Variants in FAM161A observed in about 807,000 individuals in gnomAD.
FAM161A encodes the protein protein FAM161A.
FAM161A carries 57 observed loss-of-function variants against 70.9 expected under a neutral mutation model. That is an observed-to-expected ratio of 0.80 (90% CI 0.65 to 1.00). The LOEUF is 1.00. Among genes scored for constraint, FAM161A ranks in the 50% least tolerant of loss-of-function variants. The pLI is 0.00. For synonymous variants in FAM161A, 299 were observed against 295.7 expected, an observed-to-expected ratio of 1.01 and a Z score of -0.12; for missense variants, 880 against 836.0, an observed-to-expected ratio of 1.05 and a Z score of -0.65.
the FAM161A span, among the ~76,000 whole-genome samples, chr2:61,818,262 G>C: frequency 6.6e-6 from 1 of 152,050 alleles, no homozygotes; most frequent in East Asian, 1.9e-4. Flanking sequence ...CACCTTGTTG[G>C]CCAGGCTGGT....
In FAM161A at chr2:61,824,949, A is replaced by C. The variant is rs1672294341; in HGVS notation, c.*1506T>G. ...CAAAGATGAATTTTTAAATGGTGCC[A>C]AATCCCAAGGAGTTTACAATATAAT... On this transcript the variant is annotated 3_prime_UTR_variant, in exon 7 of 7. Coordinates refer to ENST00000404929, the MANE Select transcript of FAM161A (RefSeq NM_001201543.2). 2.2e-6 allele frequency: 1 copy of C among 453,100 alleles called. No individual in the cohort carries two copies. The highest frequency in any genetic ancestry group is 1.6e-5 in the South Asian group (1 of 63,860). The allele number at this position is 453,100 out of a possible 1,614,324, so 28.1% of individuals were successfully genotyped here. A position where few individuals can be genotyped will look rare whatever the true frequency, so the allele number is the denominator to read the frequency against.
intron 1 of FAM161A, chr2:61,846,783 C>T (rs58256183): frequency 0.6 from 210,103 of 352,754 alleles, 64,086 homozygotes; most frequent in Middle Eastern, 0.79. Context: ...CCTCTGACTG[C>T]TTCCTGTCGG....
In FAM161A at chr2:61,826,580, T is replaced by C; in HGVS notation, c.2026A>G (p.Ile676Val). Residue 676 changes from isoleucine to valine, a missense_variant, in exon 7 of 7, where the codon ATA (isoleucine) becomes GTA (valine). By Grantham distance (29) the Ile-to-Val change is conservative. Coordinates refer to ENST00000404929, the MANE Select transcript of FAM161A (RefSeq NM_001201543.2). ...TCTTCCCCATTCTCTCTTTCTTCTATTTTTTCTTCTTCATTAAAGCTAGGG... is the reference window on the plus strand; with the variant it reads ...TCTTCCCCATTCTCTCTTTCTTCTACTTTTTCTTCTTCATTAAAGCTAGGG... The part of the protein sequence containing the change: ...DKESFNEEEK[I>V]EERENGEENY... 1 of 1,601,150 alleles carries C rather than the reference T, an allele frequency of 6.2e-7. No individual in the cohort carries two copies. Among genetic ancestry groups the C allele is most frequent in the Non-Finnish European group, 8.5e-7 (1 of 1,170,976 alleles).
intron 5 of FAM161A, among the ~76,000 whole-genome samples, chr2:61,834,514 G>C (rs1306670099): frequency 1.3e-5 from 2 of 151,320 alleles, no homozygotes; most frequent in South Asian, 2.1e-4. Context: ...TCAGGCTGGA[G>C]TGCAATGACG....
chr2:61,813,889 G>T, the FAM161A span, among the ~76,000 whole-genome samples: 3 of 152,128 alleles, frequency 2.0e-5, no homozygotes, highest in Non-Finnish European at 2.9e-5. Flanking sequence ...CCAGGCCTGG[G>T]GATAGAAAGT....
At chr2:61,804,768 G>GAGAAAGAAAA in the FAM161A span, among the ~76,000 whole-genome samples, 4 of 118,952 alleles carry the variant, frequency 3.4e-5, no homozygotes, top group Non-Finnish European at 5.2e-5. Flanking sequence ...GAAAAAGAAA[G>GAGAAAGAAAA]AGAAAGAAAG....
intron 5 of FAM161A, among the ~76,000 whole-genome samples, chr2:61,829,337 T>C (rs1270806292): frequency 6.6e-6 from 1 of 152,158 alleles, no homozygotes; most frequent in Non-Finnish European, 1.5e-5. Context: ...TGAGGGGCCA[T>C]GGAGTCTAGT....
chr2:61,809,035 A>G, the FAM161A span, among the ~76,000 whole-genome samples: 2 of 151,892 alleles, frequency 1.3e-5, no homozygotes, highest in East Asian at 3.9e-4. Flanking sequence ...ACCACACACA[A>G]CTAATTTTTG....
At position 61,842,104 on chromosome 2, in the gene FAM161A, A is replaced by G. The variant is rs768647653; in HGVS notation, c.422+18T>C. The G allele has an allele frequency of 7.3e-6, 10 of 1,372,882 alleles. No individual in the cohort carries two copies. In the Middle Eastern group the frequency reaches 7.1e-4, roughly 98 times the overall value. 85.0% of individuals were successfully genotyped at this position (1,372,882 alleles called of 1,614,324 possible). On this transcript the variant is annotated intron_variant, in intron 2 of 6. Coordinates refer to ENST00000404929, the MANE Select transcript of FAM161A (RefSeq NM_001201543.2). The stretch of plus-strand genomic sequence containing the variant: ...TTTTATTTTATACTCCACAAATAAC[A>G]TTGAGTTACAAGCTTACCTGGAAGA...
At chr2:61,848,206 T>C (rs904361148) in intron 1 of FAM161A, among the ~76,000 whole-genome samples, 2 of 152,182 alleles carry the variant, frequency 1.3e-5, no homozygotes, top group Non-Finnish European at 1.5e-5. Flanking sequence ...TTGAAAACCA[T>C]ATAGAAGAAT....
chr2:61,846,740 G>A (rs1274956730), intron 1 of FAM161A: 1 of 316,890 alleles, frequency 3.2e-6, no homozygotes, highest in African/African-American at 2.3e-5. Flanking sequence ...CAAGGCTAGA[G>A]GAGAAAGATG....
intron 5 of FAM161A, among the ~76,000 whole-genome samples, chr2:61,829,095 C>T (rs1672479724): frequency 6.6e-6 from 1 of 152,074 alleles, no homozygotes; most frequent in Admixed American, 6.6e-5. Context: ...CCAGTCTAAC[C>T]CCCATATTTA....
chr2:61,801,820 C>T, the FAM161A span, among the ~76,000 whole-genome samples: 1 of 152,160 alleles, frequency 6.6e-6, no homozygotes, highest in East Asian at 1.9e-4. Context: ...CTCAGCCTCC[C>T]AAAGTGCTGG....
chr2:61,804,068 G>T, the FAM161A span, among the ~76,000 whole-genome samples: 1 of 152,176 alleles, frequency 6.6e-6, no homozygotes, highest in African/African-American at 2.4e-5. Flanking sequence ...GTTATTTCTT[G>T]ATAATATTCT....
At chr2:61,853,790 G>A in intron 1 of FAM161A, 69 bp downstream of exon 1, 1 of 1,575,408 alleles carries the variant, frequency 6.3e-7, no homozygotes, top group Non-Finnish European at 8.7e-7. Context: ...GCTGGGCGGG[G>A]AACCGGACAG....
At chr2:61,816,408 T>A in the FAM161A span, among the ~76,000 whole-genome samples, 1 of 151,872 alleles carries the variant, frequency 6.6e-6, no homozygotes, top group Non-Finnish European at 1.5e-5. Flanking sequence ...GTTTGGGGAG[T>A]TAGGATTTAT....
chr2:61,823,171 A>T (rs1264077654), downstream of FAM161A, among the ~76,000 whole-genome samples: 1 of 150,906 alleles, frequency 6.6e-6, no homozygotes, highest in East Asian at 2.0e-4. Context: ...CATCTCTACT[A>T]AAACTATAAA....
At chr2:61,816,794 CCCTT>C in the FAM161A span, among the ~76,000 whole-genome samples, 4 of 152,094 alleles carry the variant, frequency 2.6e-5, no homozygotes, top group Non-Finnish European at 4.4e-5. Context: ...GAGCAAATGA[CCCTT>C]CATTCTCTGC....
the FAM161A span, among the ~76,000 whole-genome samples, chr2:61,815,535 C>CTTTTTTTTTTTTTTTTT: frequency 1.9e-5 from 1 of 53,210 alleles, no homozygotes; most frequent in Non-Finnish European, 3.2e-5. Context: ...AAAGATGTGT[C>CTTTTTTTTTTTTTTTTT]TTTTTTTTTT....
Sources: allele counts gnomAD v4.1 joint callset (sites outside exome capture counted in the v4.1 genomes callset), GRCh38; gene constraint gnomAD v4.1.1; transcripts MANE v1.5; gene names NCBI Gene and HGNC (gene_info 2026-07-23, HGNC 2026-07-21).